The following CARS2 variants were observed in gnomAD, a reference collection of about 807,000 sequenced individuals.
CARS2 encodes the protein cysteinyl-tRNA synthetase 2, mitochondrial.
CARS2 carries 52 observed loss-of-function variants against 68.8 expected under a neutral mutation model. The ratio of observed to expected loss-of-function variants is 0.76; its 90% CI spans 0.61 to 0.95. The LOEUF is 0.95. CARS2 is among the 40% of genes least tolerant of loss of function. CARS2 has a pLI of 0.00. For synonymous variants in CARS2, 314 were observed against 303.6 expected (o/e 1.03, Z -0.36); for missense variants, 780 against 754.2 (o/e 1.03, Z -0.40).
At chr13:110,702,516 A>G (rs2063816640) in intron 2 of CARS2, among the ~76,000 whole-genome samples, 1 of 152,188 alleles carries the variant, frequency 6.6e-6, no homozygotes, top group South Asian at 2.1e-4. Flanking sequence ...ATTCACCTCA[A>G]GTTGGGAAAG....
At position 110,706,055 on chromosome 13, in the gene CARS2, C is replaced by T; in HGVS notation, c.39G>A (p.Pro13=). The T allele has an allele frequency of 1.5e-6, 2 of 1,360,230 alleles. No individual in the cohort carries two copies. The highest frequency in any genetic ancestry group is 1.9e-6 in the Non-Finnish European group (2 of 1,058,120). 84.3% of individuals were successfully genotyped at this position (1,360,230 alleles called of 1,614,324 possible). A position where few individuals can be genotyped will look rare whatever the true frequency, so the allele number is the denominator to read the frequency against. ...CAAGGCCCAGCGCGGCCTGGAGCAG[C>T]GGGGGGCCCAGGCCTGGGCCGCGCG... ...RTTRGPGLGP[P]LLQAALGLGR... Residue 13 remains proline, a synonymous_variant, in exon 1 of 15, where the codon CCG becomes CCA. Coordinates refer to ENST00000257347, the MANE Select transcript of CARS2 (RefSeq NM_024537.4).
intron 6 of CARS2, among the ~76,000 whole-genome samples, chr13:110,680,147 AGGGGGGG>A (rs56104854): frequency 0.64 from 79,583 of 123,398 alleles, 24,438 homozygotes; most frequent in Admixed American, 0.67. Context: ...TGGGAGGCCG[AGGGGGGG>A]GGGGGGGGGG....
At chr13:110,710,149 G>C (rs1032768782), upstream of CARS2, among the ~76,000 whole-genome samples, 1 of 152,206 alleles carries the variant, frequency 6.6e-6, no homozygotes, top group African/African-American at 2.4e-5. Context: ...GGGAGGCCAA[G>C]ACAGGCGGAT....
In CARS2 at chr13:110,677,098, A is replaced by T. The variant is rs754147433; in HGVS notation, c.661T>A (p.Ser221Thr). The T allele has an allele frequency of 6.2e-7, 1 of 1,604,836 alleles. No individual in the cohort carries two copies. The highest frequency in any genetic ancestry group is 8.5e-7 in the Non-Finnish European group (1 of 1,173,646). ...VPGPVGEPAD[S>T]DKRHASDFAL... Reference sequence around the variant, plus strand: ...AAGTCACTGGCATGACGCTTGTCAGAGTCCGCTGCAGATGACAAACGGTAC... The same window carrying T: ...AAGTCACTGGCATGACGCTTGTCAGTGTCCGCTGCAGATGACAAACGGTAC... The change falls in exon 7 of 15, where the codon TCT (serine) becomes ACT (threonine). Residue 221 changes from serine to threonine, a missense_variant. Ser to Thr is a moderately conservative substitution (Grantham distance 58). Transcript: ENST00000257347.
intron 9 of CARS2, among the ~76,000 whole-genome samples, chr13:110,654,258 T>G (rs1358550398): frequency 6.6e-6 from 1 of 152,206 alleles, no homozygotes; most frequent in Non-Finnish European, 1.5e-5. Flanking sequence ...AGACGTACAG[T>G]AACTAGAAAG....
chr13:110,667,447 A>C lies in CARS2; in HGVS notation c.812T>G (p.Ile271Ser). Residue 271 changes from isoleucine (I) to serine (S), a missense_variant, in exon 8 of 15, where the codon ATC (isoleucine) becomes AGC (serine). Physicochemically the swap from Ile to Ser is moderately radical, Grantham distance 142. Transcript: ENST00000257347. ...ASMVFGSQLDIHSGGIDLAFP... is the reference protein window; with the variant it reads ...ASMVFGSQLDSHSGGIDLAFP... ...AGCTAAATCTATCCCACCTGAATGG[A>C]TATCCAGTTGACTTCCAAATACCAT... is the stretch of plus-strand genomic sequence containing the variant. The C allele has an allele frequency of 6.2e-7, 1 of 1,613,944 alleles. No individual in the cohort carries two copies. Among genetic ancestry groups the C allele is most frequent in the Non-Finnish European group, 8.5e-7 (1 of 1,179,856 alleles).
rs367819821 is a variant in CARS2 at position 110,713,199 on chromosome 13, C to T, written n.337G>A. On this transcript the variant is annotated non_coding_transcript_exon_variant, in exon 1 of 3. Transcript: ENST00000485188. ...AAAGTGATGTTGGCAAGTAGATTGG[C>T]TACTGCGGTTGCCAGTTCTGTTTCG... 128 of 1,423,464 alleles carry T rather than the reference C, an allele frequency of 9.0e-5. 1 individual carries two copies. The highest frequency in any genetic ancestry group is 6.6e-4 in the East Asian group (26 of 39,642). 88.2% of individuals were successfully genotyped at this position (1,423,464 alleles called of 1,614,324 possible).
chr13:110,693,934 C>T (rs2063548603), intron 3 of CARS2, among the ~76,000 whole-genome samples: 1 of 152,098 alleles, frequency 6.6e-6, no homozygotes, highest in Non-Finnish European at 1.5e-5. Context: ...TCCAGAAAGC[C>T]AGGGTGATGC....
chr13:110,693,437 G>T (rs1369764013), intron 3 of CARS2, among the ~76,000 whole-genome samples: 1 of 152,092 alleles, frequency 6.6e-6, no homozygotes, highest in African/African-American at 2.4e-5. Context: ...TCGGCTCACT[G>T]TAAGCTCTGC....
chr13:110,658,338 G>A (rs1266887061), intron 9 of CARS2, among the ~76,000 whole-genome samples: 2 of 152,140 alleles, frequency 1.3e-5, no homozygotes, highest in Non-Finnish European at 2.9e-5. Flanking sequence ...CATAGAAACA[G>A]AAAGTAGAAG....
chr13:110,655,693 G>C (rs378399), intron 9 of CARS2, among the ~76,000 whole-genome samples: 66,364 of 151,982 alleles, frequency 0.44, 15,555 homozygotes, highest in African/African-American at 0.61. Flanking sequence ...CTACCGTGTG[G>C]TTCTCTGTCT....
intron 3 of CARS2, among the ~76,000 whole-genome samples, chr13:110,699,184 T>A (rs2063712173): frequency 6.6e-6 from 1 of 152,118 alleles, no homozygotes; most frequent in Non-Finnish European, 1.5e-5. Flanking sequence ...AGTGAGCAAA[T>A]ACGTTTCTAT....
At chr13:110,669,682 T>G (rs1250484968) in intron 7 of CARS2, among the ~76,000 whole-genome samples, 1 of 152,064 alleles carries the variant, frequency 6.6e-6, no homozygotes, top group Non-Finnish European at 1.5e-5. Context: ...CATTTCCAAC[T>G]GAGGTACTGG....
chr13:110,645,960 G>C lies in CARS2; in HGVS notation c.1317+7C>G, dbSNP rs1888055458. 3 of 1,611,008 alleles carry C rather than the reference G, an allele frequency of 1.9e-6. No individual in the cohort carries two copies. The highest frequency in any genetic ancestry group is 4.5e-5 in the East Asian group (2 of 44,646). On this transcript the variant is annotated splice_region_variant and intron_variant, in intron 12 of 14. Coordinates refer to ENST00000257347, the MANE Select transcript of CARS2 (RefSeq NM_024537.4). Reference sequence around the variant, plus strand: ...AGGACCGCAAGGCCACCTGTTCGTTGAGCTACCTTCAGGGACGCCCTGAGC... The same window carrying C: ...AGGACCGCAAGGCCACCTGTTCGTTCAGCTACCTTCAGGGACGCCCTGAGC...
chr13:110,660,123 G>C (rs1301766055), intron 9 of CARS2, among the ~76,000 whole-genome samples: 2 of 152,182 alleles, frequency 1.3e-5, no homozygotes, highest in Non-Finnish European at 2.9e-5. Context: ...CACTTTCTTT[G>C]CTCATCCATA....
At chr13:110,699,396 T>G (rs569187509) in intron 3 of CARS2, among the ~76,000 whole-genome samples, 12 of 152,332 alleles carry the variant, frequency 7.9e-5, no homozygotes, top group Admixed American at 3.3e-4. Context: ...GGTGCATGGG[T>G]TCATATGCTC....
intron 1 of CARS2, chr13:110,712,751 T>A: frequency 1.4e-6 from 1 of 702,460 alleles, no homozygotes; most frequent in South Asian, 1.5e-5. Context: ...GAGAACGGTG[T>A]CCATGACACA....
At chr13:110,684,083 C>T (rs1450422608) in intron 5 of CARS2, among the ~76,000 whole-genome samples, 3 of 152,100 alleles carry the variant, frequency 2.0e-5, no homozygotes, top group African/African-American at 4.8e-5. Flanking sequence ...CAAGGCTGCC[C>T]GGCTGCAGCC....
rs748447663 is a variant in CARS2 at position 110,646,002 on chromosome 13, G to A, written c.1282C>T (p.His428Tyr). ...RVVDAILGLAHHGNGQLRASL... is the reference protein window; with the variant it reads ...RVVDAILGLAYHGNGQLRASL... ...GCCCTGAGCTGTCCATTCCCGTGGT[G>A]TGCAAGGCCCAGGATGGCATCAACC... The change falls in exon 12 of 15, where the codon CAC becomes TAC. Residue 428 changes from histidine (H) to tyrosine (Y), a missense_variant. By Grantham distance (83) the His-to-Tyr change is moderately conservative. Transcript: ENST00000257347. 3.1e-6 allele frequency: 5 copies of A among 1,613,846 alleles called. No individual in the cohort carries two copies. Among genetic ancestry groups the A allele is most frequent in the Non-Finnish European group, 4.2e-6 (5 of 1,179,952 alleles).
Sources: allele counts gnomAD v4.1 joint callset (sites outside exome capture counted in the v4.1 genomes callset), GRCh38; gene constraint gnomAD v4.1.1; transcripts MANE v1.5; gene names NCBI Gene and HGNC (gene_info 2026-07-23, HGNC 2026-07-21).